Variants in CRYBA1 observed in about 807,000 individuals in gnomAD.
CRYBA1 encodes beta-crystallin A3.
CRYBA1 carries 25 observed loss-of-function variants against 36.2 expected under a neutral mutation model. The ratio of observed to expected loss-of-function variants is 0.69; its 90% CI spans 0.50 to 0.97. CRYBA1 has a LOEUF of 0.97. Among genes scored for constraint, CRYBA1 ranks in the 50% least tolerant of loss-of-function variants. The pLI is 0.00. For synonymous variants in CRYBA1, 111 were observed against 90.0 expected (o/e 1.23, Z -1.32); for missense variants, 224 against 276.3 (o/e 0.81, Z 1.34).
intron 2 of CRYBA1, 25 bp from the exon 3 acceptor site, chr17:29,250,157 C>A: frequency 7.8e-7 from 1 of 1,286,686 alleles, no homozygotes; most frequent in South Asian, 1.2e-5. Flanking sequence ...TTCTAGCTCT[C>A]TTGCGCCATT....
intron 3 of CRYBA1, 40 bp downstream of exon 3, chr17:29,250,340 A>G: frequency 1.8e-6 from 2 of 1,126,622 alleles, no homozygotes; most frequent in Middle Eastern, 2.2e-4. Flanking sequence ...CCCTTATTTC[A>G]GGTCCCTTCA....
chr17:29,252,097 G>A lies in CRYBA1; in HGVS notation c.249G>A (p.Gly83=), dbSNP rs949688901. The change falls in exon 4 of 6, where the codon GGG becomes GGA. Residue 83 remains glycine, a synonymous_variant. Coordinates refer to ENST00000225387, the MANE Select transcript of CRYBA1 (RefSeq NM_005208.5). ...WIGYEHTSFC[G]QQFILERGEY... ...GTTATGAGCATACCAGCTTCTGTGG[G>A]CAACAGTTTATCCTGGAGAGAGGAG... The A allele has an allele frequency of 6.2e-7, 1 of 1,614,152 alleles. No individual in the cohort carries two copies. Among genetic ancestry groups the A allele is most frequent in the Non-Finnish European group, 8.5e-7 (1 of 1,180,028 alleles).
intron 2 of CRYBA1, 123 bp downstream of exon 2, chr17:29,249,329 G>T (rs762190069): frequency 7.9e-5 from 55 of 699,474 alleles, no homozygotes; most frequent in Non-Finnish European, 1.3e-4. Flanking sequence ...TAGGGGAAAG[G>T]TCCACACAAG....
chr17:29,252,221 T>G lies in CRYBA1; in HGVS notation c.357+16T>G, dbSNP rs1470616726. ...CTGTTCAGCTGTGAGTCTCTGAAAT[T>G]TCCACTTCCGTGCATATGAGGGATG... is the stretch of plus-strand genomic sequence containing the variant. On this transcript the variant is annotated intron_variant, in intron 4 of 5. Coordinates refer to ENST00000225387, the MANE Select transcript of CRYBA1 (RefSeq NM_005208.5). 3 of 1,614,006 alleles carry G rather than the reference T, an allele frequency of 1.9e-6. No homozygotes were observed. Among genetic ancestry groups the G allele is most frequent in the Non-Finnish European group, 2.5e-6 (3 of 1,179,978 alleles).
chr17:29,251,658 T>A (rs2068936082), intron 3 of CRYBA1, among the ~76,000 whole-genome samples: 1 of 152,038 alleles, frequency 6.6e-6, no homozygotes, highest in Non-Finnish European at 1.5e-5. Flanking sequence ...AATTTTTGAG[T>A]TTTGTAGACG....
At chr17:29,247,864 C>A (rs983978958) in intron 1 of CRYBA1, among the ~76,000 whole-genome samples, 1 of 152,188 alleles carries the variant, frequency 6.6e-6, no homozygotes, top group African/African-American at 2.4e-5. Context: ...TGCCTGTAAT[C>A]GCAGCACTTT....
Position 29,254,347 on chromosome 17 carries a change from T to C in CRYBA1, c.646T>C (p.Ter216GlnextTer17), listed in dbSNP as rs776510227. ...QIQSIRRIQQ[*>Q] ...CCAATCGATTCGCCGAATCCAACAGTAGCTGATTAAAAGCTCCAAGTACGA... is the reference window on the plus strand; with the variant it reads ...CCAATCGATTCGCCGAATCCAACAGCAGCTGATTAAAAGCTCCAAGTACGA... Residue 216 changes from the stop codon to glutamine (Q), a stop_lost, in exon 6 of 6, where the codon TAG (stop) becomes CAG (glutamine). Coordinates refer to ENST00000225387, the MANE Select transcript of CRYBA1 (RefSeq NM_005208.5). 9.3e-6 allele frequency: 15 copies of C among 1,614,154 alleles called. No homozygotes were observed. The highest frequency in any genetic ancestry group is 1.2e-5 in the Non-Finnish European group (14 of 1,180,024).
intron 3 of CRYBA1, among the ~76,000 whole-genome samples, 182 bp downstream of exon 3, chr17:29,250,482 T>C (rs1019306199): frequency 9.2e-5 from 14 of 152,048 alleles, no homozygotes; most frequent in Non-Finnish European, 1.8e-4. Context: ...GGAAGGAACA[T>C]GAGGTTCTTA....
intron 4 of CRYBA1, 72 bp from the exon 5 acceptor site, chr17:29,253,568 A>G (rs569643777): frequency 6.8e-6 from 9 of 1,324,600 alleles, no homozygotes; most frequent in South Asian, 2.5e-5. Context: ...AAGTGTTTCA[A>G]TTTTGAAAAA....
chr17:29,254,448 A>G lies in CRYBA1; in HGVS notation c.*99A>G. On this transcript the variant is annotated 3_prime_UTR_variant, in exon 6 of 6. Transcript: ENST00000225387. ...TTCTGCTCACAGACATTGCTTTCAA[A>G]TGTTAGCTGCTGAAATCCACAATAA... 4 of 1,298,608 alleles carry G rather than the reference A, an allele frequency of 3.1e-6. No individual in the cohort carries two copies. Among genetic ancestry groups the G allele is most frequent in the African/African-American group, 1.5e-5 (1 of 68,646 alleles). The allele number at this position is 1,298,608 out of a possible 1,614,324, so 80.4% of individuals were successfully genotyped here.
intron 5 of CRYBA1, 50 bp from the exon 6 acceptor site, chr17:29,254,152 A>G (rs1316759095): frequency 6.2e-7 from 1 of 1,603,906 alleles, no homozygotes. Context: ...TGGGGTATTA[A>G]CCAGATTCCT....
chr17:29,247,219 G>A (rs887784060), intron 1 of CRYBA1, among the ~76,000 whole-genome samples: 1 of 152,152 alleles, frequency 6.6e-6, no homozygotes, highest in Non-Finnish European at 1.5e-5. Context: ...GAGTTGACAT[G>A]CATCATTCCT....
At chr17:29,249,833 G>A (rs2068924558) in intron 2 of CRYBA1, among the ~76,000 whole-genome samples, 1 of 152,240 alleles carries the variant, frequency 6.6e-6, no homozygotes, top group Non-Finnish European at 1.5e-5. Context: ...GAGCTCCTGG[G>A]ACTCCCAGAA....
intron 1 of CRYBA1, 135 bp downstream of exon 1, chr17:29,247,029 G>T: frequency 1.0e-6 from 1 of 954,152 alleles, no homozygotes; most frequent in Admixed American, 2.0e-5. Context: ...GAACTCTGGC[G>T]GAAGACAGCC....
At chr17:29,247,734 A>C (rs1466405654) in intron 1 of CRYBA1, among the ~76,000 whole-genome samples, 4 of 152,232 alleles carry the variant, frequency 2.6e-5, no homozygotes, top group African/African-American at 7.2e-5. Context: ...ATAAATCAAG[A>C]AAGCAAGCAA....
In CRYBA1 at chr17:29,254,206, G is replaced by C; in HGVS notation, c.505G>C (p.Val169Leu). ...GSMKIQSGAW[V>L]CYQYPGYRGY... The stretch of plus-strand genomic sequence containing the variant: ...AATGTACTTTGAATTTCCTAGCTGG[G>C]TTTGCTACCAATATCCTGGATATCG... Residue 169 changes from valine (V) to leucine (L), a missense_variant, in exon 6 of 6, where the codon GTT becomes CTT. Coordinates refer to ENST00000225387, the MANE Select transcript of CRYBA1 (RefSeq NM_005208.5). The C allele has an allele frequency of 6.2e-7, 1 of 1,614,074 alleles. No homozygotes were observed. The highest frequency in any genetic ancestry group is 1.1e-5 in the South Asian group (1 of 91,080).
At chr17:29,254,098 A>G (rs1053162892) in intron 5 of CRYBA1, 104 bp from the exon 6 acceptor site, 3 of 1,306,556 alleles carry the variant, frequency 2.3e-6, no homozygotes, top group African/African-American at 2.9e-5. Flanking sequence ...TTCTAAGCCT[A>G]AAAGCATCTC....
chr17:29,249,552 T>C (rs2153009451), intron 2 of CRYBA1, among the ~76,000 whole-genome samples: 1 of 152,258 alleles, frequency 6.6e-6, no homozygotes, highest in Non-Finnish European at 1.5e-5. Flanking sequence ...AGATCCCAAA[T>C]AAATTACAGG....
At chr17:29,253,960 C>T (rs2068952274) in intron 5 of CRYBA1, among the ~76,000 whole-genome samples, 178 bp downstream of exon 5, 1 of 152,150 alleles carries the variant, frequency 6.6e-6, no homozygotes, top group Non-Finnish European at 1.5e-5. Flanking sequence ...TTTATCTCCC[C>T]CAGACATGCC....
Sources: allele counts gnomAD v4.1 joint callset (sites outside exome capture counted in the v4.1 genomes callset), GRCh38; gene constraint gnomAD v4.1.1; transcripts MANE v1.5; gene names NCBI Gene and HGNC (gene_info 2026-07-23, HGNC 2026-07-21).